The following FBXO38 variants were observed in gnomAD, a reference collection of about 807,000 sequenced individuals.
The protein encoded by FBXO38 is F-box only protein 38.
A neutral mutation model predicts 131.9 loss-of-function variants in FBXO38; 53 were observed. That is an observed-to-expected ratio of 0.40 (90% CI 0.32 to 0.51). The LOEUF is 0.51. Ranked by LOEUF, FBXO38 falls within the 20% of genes least tolerant of loss-of-function variation. The probability of loss-of-function intolerance (pLI) is 0.53; values close to 1 mark genes in which losing one functional copy is unlikely to be tolerated. For synonymous variants in FBXO38, 452 were observed against 505.6 expected (o/e 0.89, Z 1.42); for missense variants, 1,076 against 1,475.6 (o/e 0.73, Z 4.44).
At chr5:148,423,913 GT>G in intron 12 of FBXO38, 84 bp from the exon 13 acceptor site, 1 of 1,324,788 alleles carries the variant, frequency 7.5e-7, no homozygotes, top group South Asian at 1.4e-5. Context: ...GGACTGTTCA[GT>G]TCTTAGGGCG....
chr5:148,421,640 C>CAT (rs1472239259), intron 12 of FBXO38, among the ~76,000 whole-genome samples: 20 of 151,742 alleles, frequency 1.3e-4, no homozygotes, highest in South Asian at 4.2e-4. Flanking sequence ...TATACATATA[C>CAT]ATATATATAT....
At chr5:148,393,927 C>A (rs1004829219) in intron 1 of FBXO38, among the ~76,000 whole-genome samples, 3 of 152,138 alleles carry the variant, frequency 2.0e-5, no homozygotes, top group Non-Finnish European at 4.4e-5. Flanking sequence ...CATCTGGGTG[C>A]TCATGCAACC....
rs867448350 is a variant in FBXO38 at position 148,427,672 on chromosome 5, A to G, written c.2378A>G (p.Asp793Gly). The G allele has an allele frequency of 5.6e-6, 9 of 1,614,038 alleles. No individual in the cohort carries two copies. The African/African-American group carries it at 6.7e-5, about 12-fold the overall frequency. ...ESQRRTSRCS[D>G]EERPSTSRAC... ...CAAAGGAGAACTAGCAGGTGTTCTG[A>G]TGAGGAACGTCCTTCAACCAGCCGA... The change falls in exon 15 of 22, where the codon GAT (aspartate) becomes GGT (glycine). Residue 793 changes from aspartate (D) to glycine (G), a missense_variant. Asp to Gly is a moderately conservative substitution (Grantham distance 94). Transcript: ENST00000340253.
intron 10 of FBXO38, 117 bp downstream of exon 10, chr5:148,414,423 G>A (rs1752937427): frequency 1.0e-6 from 1 of 979,236 alleles, no homozygotes; most frequent in Non-Finnish European, 1.5e-6. Context: ...TATTTCATTT[G>A]GATTGTTCAT....
chr5:148,421,544 T>A (rs1408333683), intron 12 of FBXO38, among the ~76,000 whole-genome samples: 1 of 151,450 alleles, frequency 6.6e-6, no homozygotes. Context: ...TTTATAAGAC[T>A]TTTTTACAGC....
chr5:148,417,241 A>G, intron 12 of FBXO38, 37 bp downstream of exon 12: 1 of 1,367,004 alleles, frequency 7.3e-7, no homozygotes, highest in South Asian at 1.2e-5. Flanking sequence ...GATAGAAATG[A>G]TTTTCACTTT....
rs1250855892 is a variant in FBXO38, at chr5:148,430,766, C to T, written c.2654-2658C>T. The T allele has an allele frequency of 2.0e-5, 3 of 152,050 alleles. No individual in the cohort carries two copies. The East Asian group carries it at 5.8e-4, about 29-fold the overall frequency. The allele number at this position is 152,050 out of a possible 1,614,324, so 9.4% of individuals were successfully genotyped here. A position where few individuals can be genotyped will look rare whatever the true frequency, so the allele number is the denominator to read the frequency against. The stretch of plus-strand genomic sequence containing the variant: ...GAGTTCTTTGGTTTTTAATTTATGG[C>T]CCTGTGGAGTGTTAAAGCCATTTTA... On this transcript the variant is annotated intron_variant, in intron 15 of 21. Transcript: ENST00000340253.
At chr5:148,425,776 A>G in intron 14 of FBXO38, 75 bp downstream of exon 14, 4 of 1,271,784 alleles carry the variant, frequency 3.1e-6, no homozygotes, top group Non-Finnish European at 4.4e-6. Context: ...TAATATGACA[A>G]CTTGGGTGCA....
chr5:148,396,169 A>C (rs929601351), intron 2 of FBXO38, among the ~76,000 whole-genome samples: 7 of 152,190 alleles, frequency 4.6e-5, no homozygotes, highest in African/African-American at 1.7e-4. Context: ...TTAGAAGACC[A>C]AATTAAAATG....
chr5:148,441,438 G>A (rs1242316212), intron 21 of FBXO38: 1 of 471,048 alleles, frequency 2.1e-6, no homozygotes, highest in Non-Finnish European at 3.7e-6. Context: ...TATAAAGGCT[G>A]GTAGAAAGGA....
At chr5:148,386,758 G>A (rs1309761937) in intron 1 of FBXO38, among the ~76,000 whole-genome samples, 2 of 152,042 alleles carry the variant, frequency 1.3e-5, no homozygotes, top group Admixed American at 6.5e-5. Context: ...TGCAGGTTTG[G>A]TTCCAGACTA....
rs1445578919 is a variant in FBXO38 at position 148,406,278 on chromosome 5, A to G, written c.752A>G (p.Tyr251Cys). The change falls in exon 7 of 22, where the codon TAT (tyrosine) becomes TGT (cysteine). Residue 251 changes from tyrosine to cysteine, a missense_variant. By Grantham distance (194) the Tyr-to-Cys change is radical. Around this residue, in one of 8 missense-constraint regions of FBXO38, gnomAD observed 66 missense variants for 72.4 expected, o/e 0.91. Transcript: ENST00000340253. ...CCAGGACCCACAAATTCCTTGAAATATGTCCCTTTAGTAACAGGCTTAGCC... is the reference window on the plus strand; with the variant it reads ...CCAGGACCCACAAATTCCTTGAAATGTGTCCCTTTAGTAACAGGCTTAGCC... ...NCAGPTNSLK[Y>C]VPLVTGLASA... 1 of 1,584,404 alleles carries G rather than the reference A, an allele frequency of 6.3e-7. No homozygotes were observed. Among genetic ancestry groups the G allele is most frequent in the Admixed American group, 1.9e-5 (1 of 53,860 alleles).
chr5:148,402,920 A>G (rs1055580582), intron 5 of FBXO38, among the ~76,000 whole-genome samples: 5 of 152,096 alleles, frequency 3.3e-5, no homozygotes, highest in Non-Finnish European at 7.4e-5. Context: ...GAGAGAGAGT[A>G]TATGTGTTTT....
intron 1 of FBXO38, chr5:148,390,032 G>GA (rs752637380): frequency 0.03 from 3,690 of 122,212 alleles, 129 homozygotes; most frequent in Admixed American, 0.1. Context: ...CTGTCTTAAA[G>GA]AAAAAAAAAA....
rs542241939 is a variant in FBXO38, at chr5:148,383,975, G to C, written c.-128G>C. 1 of 153,170 alleles carries C rather than the reference G, an allele frequency of 6.5e-6. No homozygotes were observed. Among genetic ancestry groups the C allele is most frequent in the African/African-American group, 2.4e-5 (1 of 41,464 alleles). The allele number at this position is 153,170 out of a possible 1,614,324, so 9.5% of individuals were successfully genotyped here. A position where few individuals can be genotyped will look rare whatever the true frequency, so the allele number is the denominator to read the frequency against. On this transcript the variant is annotated 5_prime_UTR_variant, in exon 1 of 22. Coordinates refer to ENST00000340253, the MANE Select transcript of FBXO38 (RefSeq NM_205836.3). Reference sequence around the variant, plus strand: ...GAAGCGGAAGTGCCTCAGCGGTAGGGGCCGGGGAAGTGTCTGTAGCGTCCC... The same window carrying C: ...GAAGCGGAAGTGCCTCAGCGGTAGGCGCCGGGGAAGTGTCTGTAGCGTCCC...
At chr5:148,439,498 G>C (rs995481839) in intron 18 of FBXO38, 149 bp from the exon 19 acceptor site, 1 of 741,842 alleles carries the variant, frequency 1.3e-6, no homozygotes, top group Non-Finnish European at 2.0e-6. Context: ...ATGACAGACT[G>C]TTTTCAGGTC....
intron 3 of FBXO38, 57 bp downstream of exon 3, chr5:148,399,189 G>A (rs2113522410): frequency 1.3e-6 from 2 of 1,579,048 alleles, no homozygotes; most frequent in Non-Finnish European, 1.7e-6. Context: ...TAGTAACAAT[G>A]GTTTCATAAA....
intron 14 of FBXO38, 132 bp from the exon 15 acceptor site, chr5:148,427,081 A>G: frequency 9.5e-7 from 1 of 1,048,256 alleles, no homozygotes; most frequent in Non-Finnish European, 1.4e-6. Context: ...TGATGTGATC[A>G]CAGTTATACT....
Position 148,441,949 on chromosome 5 carries a change from T to C in FBXO38, c.3389-20T>C. 1 of 1,600,190 alleles carries C rather than the reference T, an allele frequency of 6.2e-7. No homozygotes were observed. Among genetic ancestry groups the C allele is most frequent in the South Asian group, 1.1e-5 (1 of 89,370 alleles). ...TTCTGATTATCATATGTATCTCTCC[T>C]TTTATTTCTAATTTCAAAGGCACTA... On this transcript the variant is annotated intron_variant, in intron 21 of 21. Coordinates refer to ENST00000340253, the MANE Select transcript of FBXO38 (RefSeq NM_205836.3).
Sources: allele counts gnomAD v4.1 joint callset (sites outside exome capture counted in the v4.1 genomes callset), GRCh38; gene constraint gnomAD v4.1.1; regional missense constraint gnomAD v4.1.1; transcripts MANE v1.5; gene names NCBI Gene and HGNC (gene_info 2026-07-23, HGNC 2026-07-21).